FSIP2: variants seen among roughly 807,000 people sequenced by gnomAD.
FSIP2 encodes fibrous sheath-interacting protein 2.
In FSIP2, 367 loss-of-function variants were observed where a neutral mutation model predicts 510.5. The observed-to-expected ratio is 0.72, with a 90% CI of 0.66 to 0.78. The LOEUF (loss-of-function observed/expected upper bound fraction) is 0.78. Among genes scored for constraint, FSIP2 ranks in the 30% least tolerant of loss-of-function variants. The pLI is 0.00. For synonymous variants in FSIP2, 2,601 were observed against 2,732.2 expected, an observed-to-expected ratio of 0.95 and a Z score of 1.50; for missense variants, 7,594 against 7,901.7, an observed-to-expected ratio of 0.96 and a Z score of 1.48.
At chr2:185,744,049 C>G (rs189992834) in intron 3 of FSIP2, among the ~76,000 whole-genome samples, 1 of 151,870 alleles carries the variant, frequency 6.6e-6, no homozygotes, top group Non-Finnish European at 1.5e-5. Flanking sequence ...AGGCTCATCT[C>G]AAACTCCTGG....
chr2:185,784,782 G>T (rs1692928904), intron 14 of FSIP2, among the ~76,000 whole-genome samples: 1 of 152,012 alleles, frequency 6.6e-6, no homozygotes, highest in African/African-American at 2.4e-5. Context: ...GTGCTCTCTG[G>T]AATGTTGCAA....
At chr2:185,831,723 G>T in intron 21 of FSIP2, 90 bp from the exon 22 acceptor site, 1 of 783,642 alleles carries the variant, frequency 1.3e-6, no homozygotes, top group South Asian at 1.4e-5. Flanking sequence ...GGTATTTATA[G>T]GTATATCTAG....
chr2:185,795,258 A>G lies in FSIP2; in HGVS notation c.8122A>G (p.Lys2708Glu). 6.5e-7 allele frequency: 1 copy of G among 1,535,192 alleles called. No individual in the cohort carries two copies. The highest frequency in any genetic ancestry group is 8.7e-7 in the Non-Finnish European group (1 of 1,146,308). ...GAAGACCCTAAAAGACAGCAGATCCAAGACTGCCATTGGGTTGTCACACAT... is the reference window on the plus strand; with the variant it reads ...GAAGACCCTAAAAGACAGCAGATCCGAGACTGCCATTGGGTTGTCACACAT... ...GEKTLKDSRS[K>E]TAIGLSHIMS... Residue 2708 changes from lysine to glutamate, a missense_variant, in exon 16 of 23, where the codon AAG (lysine) becomes GAG (glutamate). By Grantham distance (56) the Lys-to-Glu change is moderately conservative. Coordinates refer to ENST00000424728, the MANE Select transcript of FSIP2 (RefSeq NM_173651.4).
chr2:185,739,598 C>T, intron 2 of FSIP2, 127 bp downstream of exon 2: 2 of 819,890 alleles, frequency 2.4e-6, no homozygotes, highest in Non-Finnish European at 3.5e-6. Flanking sequence ...GAAAATCCCA[C>T]ATCTGACCGA....
rs1392373167 is a variant in FSIP2 at position 185,793,055 on chromosome 2, T to G, written c.5919T>G (p.Asp1973Glu). ...TATCAGCCAAAGATTCATATTCTGA[T>G]GAGCAATTTTCCTGTTGCTCAGTAG... Reference protein sequence around the residue: ...KALSAKDSYSDEQFSCCSVDH... With the variant: ...KALSAKDSYSEEQFSCCSVDH... Residue 1973 changes from aspartate to glutamate, a missense_variant, in exon 16 of 23, where the codon GAT becomes GAG. Coordinates refer to ENST00000424728, the MANE Select transcript of FSIP2 (RefSeq NM_173651.4). 1 of 1,534,370 alleles carries G rather than the reference T, an allele frequency of 6.5e-7. No individual in the cohort carries two copies. Among genetic ancestry groups the G allele is most frequent in the African/African-American group, 1.4e-5 (1 of 73,004 alleles).
In FSIP2 at chr2:185,759,016, G is replaced by T. The variant is rs1336705928; in HGVS notation, c.1079-1972G>T. Among the ~76,000 whole-genome samples the T allele has an allele frequency of 2.0e-5, 3 of 151,172 alleles. No homozygotes were observed. The East Asian group carries it at 5.8e-4, about 29-fold the overall frequency. On this transcript the variant is annotated intron_variant, in intron 9 of 22. Transcript: ENST00000424728. ...TTACAAAATAGCTTGCTGCAATTTTGTTGGGATTCACTTTTCATTTATTTC... is the reference window on the plus strand; with the variant it reads ...TTACAAAATAGCTTGCTGCAATTTTTTTGGGATTCACTTTTCATTTATTTC...
chr2:185,818,601 C>T (rs143717197), intron 19 of FSIP2, among the ~76,000 whole-genome samples: 127 of 151,872 alleles, frequency 8.4e-4, no homozygotes, highest in African/African-American at 2.8e-3. Flanking sequence ...AAATAACCCT[C>T]ATAATATTAT....
At chr2:185,772,732 G>T (rs1039579506) in intron 13 of FSIP2, among the ~76,000 whole-genome samples, 1 of 151,996 alleles carries the variant, frequency 6.6e-6, no homozygotes, top group African/African-American at 2.4e-5. Flanking sequence ...CCATGTCACT[G>T]ATTTTGTACT....
chr2:185,827,644 C>T (rs535033299), intron 20 of FSIP2, among the ~76,000 whole-genome samples: 17 of 152,012 alleles, frequency 1.1e-4, no homozygotes, highest in Middle Eastern at 3.4e-3. Flanking sequence ...GTTCTGTAGA[C>T]TCCACCAAAT....
At position 185,808,411 on chromosome 2, in the gene FSIP2, G is replaced by A. The variant is rs777496327; in HGVS notation, c.19105G>A (p.Asp6369Asn). The A allele has an allele frequency of 5.0e-6, 8 of 1,608,554 alleles. No homozygotes were observed. The South Asian group carries it at 8.9e-5, about 18-fold the overall frequency. ...LIRLPSSSSK[D>N]EKNLSKTELN... ...AAGGTTGCCAAGTTCCTCAAGCAAA[G>A]ATGAAAAAAACTTATCAAAGACTGA... Residue 6369 changes from aspartate (D) to asparagine (N), a missense_variant, in exon 17 of 23, where the codon GAT becomes AAT. Asp to Asn is a conservative substitution (Grantham distance 23). Coordinates refer to ENST00000424728, the MANE Select transcript of FSIP2 (RefSeq NM_173651.4).
Position 185,788,684 on chromosome 2 carries a change from G to T in FSIP2, c.1548G>T (p.Met516Ile). ...TGAATATTATAATTCAGAATGTAAT[G>T]ACCTGGGTTGTGGCTACAGTGACCA... ...EELNIIIQNV[M>I]TWVVATVTSI... The change falls in exon 16 of 23, where the codon ATG becomes ATT. Residue 516 changes from methionine (M) to isoleucine (I), a missense_variant. By Grantham distance (10) the Met-to-Ile change is conservative. Coordinates refer to ENST00000424728, the MANE Select transcript of FSIP2 (RefSeq NM_173651.4). 2 of 1,528,630 alleles carry T rather than the reference G, an allele frequency of 1.3e-6. No homozygotes were observed. Among genetic ancestry groups the T allele is most frequent in the South Asian group, 2.4e-5 (2 of 82,886 alleles). The allele number at this position is 1,528,630 out of a possible 1,614,324, so 94.7% of individuals were successfully genotyped here.
intron 13 of FSIP2, among the ~76,000 whole-genome samples, chr2:185,773,362 G>A (rs1318635285): frequency 6.6e-6 from 1 of 152,110 alleles, no homozygotes; most frequent in Admixed American, 6.6e-5. Flanking sequence ...TGAGAAATCT[G>A]CTGTTATTCT....
chr2:185,789,738 G>A lies in FSIP2; in HGVS notation c.2602G>A (p.Ala868Thr). Reference protein sequence around the residue: ...TDPICMFLQRAGKNKSSLESD... With the variant: ...TDPICMFLQRTGKNKSSLESD... Reference sequence around the variant, plus strand: ...CCCAATATGTATGTTCCTTCAAAGAGCTGGCAAAAATAAATCTAGTCTTGA... The same window carrying A: ...CCCAATATGTATGTTCCTTCAAAGAACTGGCAAAAATAAATCTAGTCTTGA... Residue 868 changes from alanine to threonine, a missense_variant, in exon 16 of 23, where the codon GCT becomes ACT. Transcript: ENST00000424728. 3 of 1,534,438 alleles carry A rather than the reference G, an allele frequency of 2.0e-6. No individual in the cohort carries two copies. The highest frequency in any genetic ancestry group is 2.6e-6 in the Non-Finnish European group (3 of 1,145,786).
chr2:185,747,472 T>C, intron 7 of FSIP2, 49 bp downstream of exon 7: 2 of 1,124,026 alleles, frequency 1.8e-6, no homozygotes, highest in Non-Finnish European at 2.6e-6. Context: ...GAGAAGATTT[T>C]GTTTTGGTTT....
chr2:185,767,397 A>G (rs1432752037), intron 13 of FSIP2, among the ~76,000 whole-genome samples: 1 of 152,178 alleles, frequency 6.6e-6, no homozygotes, highest in Non-Finnish European at 1.5e-5. Context: ...ATTGTTAACT[A>G]CAGTCACACT....
chr2:185,804,909 A>C lies in FSIP2; in HGVS notation c.15603A>C (p.Thr5201=), dbSNP rs1204654665. 1.3e-6 allele frequency: 2 copies of C among 1,525,252 alleles called. No individual in the cohort carries two copies. The highest frequency in any genetic ancestry group is 1.8e-6 in the Non-Finnish European group (2 of 1,142,742). 94.5% of individuals were successfully genotyped at this position (1,525,252 alleles called of 1,614,324 possible). Residue 5201 remains threonine, a synonymous_variant, in exon 17 of 23, where the codon ACA becomes ACC. Coordinates refer to ENST00000424728, the MANE Select transcript of FSIP2 (RefSeq NM_173651.4). ...VDSICNNILK[T]SEFQAEVQKD... is the part of the protein sequence containing the mutation. The stretch of plus-strand genomic sequence containing the variant: ...CCATATGTAATAATATTTTGAAAAC[A>C]TCTGAATTCCAAGCTGAAGTACAAA...
chr2:185,790,671 C>G lies in FSIP2; in HGVS notation c.3535C>G (p.His1179Asp), dbSNP rs1391884449. 17 of 1,533,764 alleles carry G rather than the reference C, an allele frequency of 1.1e-5. No homozygotes were observed. Among genetic ancestry groups the G allele is most frequent in the Non-Finnish European group, 1.4e-5 (16 of 1,145,286 alleles). ...EITDSVLNIL[H>D]KASNYISNTT... is the part of the protein sequence containing the mutation. The stretch of plus-strand genomic sequence containing the variant: ...AACAGATTCTGTGTTAAACATACTT[C>G]ATAAGGCATCAAACTACATTTCCAA... The change falls in exon 16 of 23, where the codon CAT (histidine) becomes GAT (aspartate). Residue 1179 changes from histidine to aspartate, a missense_variant. Coordinates refer to ENST00000424728, the MANE Select transcript of FSIP2 (RefSeq NM_173651.4).
chr2:185,763,846 G>T (rs1692403373), intron 12 of FSIP2, among the ~76,000 whole-genome samples: 1 of 151,468 alleles, frequency 6.6e-6, no homozygotes, highest in Admixed American at 6.6e-5. Context: ...CCATGTCCTA[G>T]AATGCATAAT....
At position 185,793,287 on chromosome 2, in the gene FSIP2, C is replaced by T. The variant is rs146743585; in HGVS notation, c.6151C>T (p.Arg2051Cys). The T allele has an allele frequency of 4.9e-5, 75 of 1,534,088 alleles. No individual in the cohort carries two copies. The highest frequency in any genetic ancestry group is 4.7e-5 in the Non-Finnish European group (54 of 1,145,548). ...IVNALLDIIS[R>C]KGKCDKNSSD... is the part of the protein sequence containing the mutation. ...TAACGCATTGTTAGACATTATATCACGTAAAGGCAAATGTGACAAAAACAG... is the reference window on the plus strand; with the variant it reads ...TAACGCATTGTTAGACATTATATCATGTAAAGGCAAATGTGACAAAAACAG... Residue 2051 changes from arginine (R) to cysteine (C), a missense_variant, in exon 16 of 23, where the codon CGT (arginine) becomes TGT (cysteine). Transcript: ENST00000424728.
Sources: gnomAD v4.1 joint callset for allele counts (sites outside exome capture counted in the v4.1 genomes callset) on GRCh38, gnomAD v4.1.1 for gene constraint, MANE v1.5 for transcripts, NCBI Gene and HGNC (gene_info 2026-07-23, HGNC 2026-07-21) for gene names.